Variants in UBE2W observed in about 807,000 individuals in gnomAD.
The protein encoded by UBE2W is ubiquitin-conjugating enzyme E2 W.
A neutral mutation model predicts 27.2 loss-of-function variants in UBE2W; 18 were observed. The ratio of observed to expected loss-of-function variants is 0.66; its 90% CI spans 0.46 to 0.98. UBE2W has a LOEUF of 0.98. Ranked by LOEUF, UBE2W falls within the 50% of genes least tolerant of loss-of-function variation. The probability of loss-of-function intolerance (pLI) is 0.00; values close to 1 mark genes in which losing one functional copy is unlikely to be tolerated. For synonymous variants in UBE2W, 53 were observed against 57.2 expected (o/e 0.93, Z 0.33); for missense variants, 90 against 180.2 (o/e 0.50, Z 2.87).
intron 1 of UBE2W, among the ~76,000 whole-genome samples, chr8:73,871,394 G>A (rs900619175): frequency 1.3e-5 from 2 of 152,128 alleles, no homozygotes; most frequent in African/African-American, 2.4e-5. Flanking sequence ...TTATCTATCT[G>A]CTAATCTGTT....
At chr8:73,878,192 G>GC (rs1286166595) in intron 1 of UBE2W, among the ~76,000 whole-genome samples, 1 of 152,210 alleles carries the variant, frequency 6.6e-6, no homozygotes. Context: ...AGGAATGTCC[G>GC]CGAGAATACC....
intron 1 of UBE2W, among the ~76,000 whole-genome samples, chr8:73,840,213 C>T (rs1316376387): frequency 6.6e-6 from 1 of 152,056 alleles, no homozygotes. Context: ...CCTGCCACTA[C>T]ACCTGGCTAA....
At chr8:73,810,700 A>G (rs1198185200) in intron 3 of UBE2W, 71 bp from the exon 4 acceptor site, 5 of 1,236,418 alleles carry the variant, frequency 4.0e-6, no homozygotes, top group Admixed American at 3.4e-5. Context: ...TTCTCCACAT[A>G]TAACAAATAT....
chr8:73,836,434 G>C (rs115522843), intron 1 of UBE2W, among the ~76,000 whole-genome samples: 14 of 152,178 alleles, frequency 9.2e-5, no homozygotes, highest in Admixed American at 9.2e-4. Context: ...TGTAGTATCT[G>C]TTCTGCAGAT....
At chr8:73,785,170 G>C (rs1279754333), downstream of UBE2W, among the ~76,000 whole-genome samples, 1 of 151,998 alleles carries the variant, frequency 6.6e-6, no homozygotes, top group Non-Finnish European at 1.5e-5. Context: ...TTTTTTAGAT[G>C]GAGTCTTGCT....
intron 1 of UBE2W, among the ~76,000 whole-genome samples, chr8:73,876,899 G>A (rs964285582): frequency 6.6e-6 from 1 of 152,128 alleles, no homozygotes; most frequent in East Asian, 1.9e-4. Context: ...CTCGGGAGGT[G>A]GAGGCTGCGG....
downstream of UBE2W, among the ~76,000 whole-genome samples, chr8:73,781,759 T>C (rs1289576430): frequency 2.6e-5 from 4 of 151,986 alleles, no homozygotes; most frequent in African/African-American, 9.7e-5. Flanking sequence ...TTTATATTTT[T>C]GCAGAGATGG....
At position 73,824,617 on chromosome 8, in the gene UBE2W, T is replaced by G. The variant is rs541227013; in HGVS notation, c.210+530A>C. Among the ~76,000 whole-genome samples, 3 of 152,122 alleles carry G rather than the reference T, an allele frequency of 2.0e-5. No homozygotes were observed. In the South Asian group the frequency reaches 6.2e-4, roughly 32 times the overall value. ...GAAGACAATTTTTCCATGGATGGGG[T>G]TGGGGATTGGATGATGGTTTTGGGA... On this transcript the variant is annotated intron_variant, in intron 3 of 5. Transcript: ENST00000602593.
At chr8:73,780,277 C>T (rs934151860) in exon 5 of UBE2W, 1 of 247,264 alleles carries the variant, frequency 4.0e-6, no homozygotes, top group Non-Finnish European at 8.3e-6. Flanking sequence ...TACATCACCC[C>T]ATGACTGCAT....
At chr8:73,833,977 C>G (rs1446174677) in intron 1 of UBE2W, 1 of 152,194 alleles carries the variant, frequency 6.6e-6, no homozygotes, top group Non-Finnish European at 1.5e-5. Flanking sequence ...TAGTGCATGA[C>G]AGCCCAGAAC....
intron 1 of UBE2W, among the ~76,000 whole-genome samples, chr8:73,857,276 G>A (rs1378902349): frequency 6.6e-6 from 1 of 152,052 alleles, no homozygotes; most frequent in Non-Finnish European, 1.5e-5. Context: ...AATTCTTACA[G>A]GAAGATTTTC....
intron 1 of UBE2W, among the ~76,000 whole-genome samples, chr8:73,871,306 G>GT (rs1275901096): frequency 1.3e-5 from 2 of 152,186 alleles, no homozygotes; most frequent in African/African-American, 4.8e-5. Context: ...ATGGAATGAA[G>GT]TTGCCTATAT....
intron 1 of UBE2W, among the ~76,000 whole-genome samples, chr8:73,854,600 A>G (rs1272292942): frequency 6.6e-6 from 1 of 152,224 alleles, no homozygotes; most frequent in African/African-American, 2.4e-5. Context: ...TAGTTTTCTA[A>G]TAAACTCATC....
intron 1 of UBE2W, among the ~76,000 whole-genome samples, chr8:73,878,412 C>T: frequency 6.6e-6 from 1 of 152,330 alleles, no homozygotes; most frequent in East Asian, 1.9e-4. Context: ...CGGCAACAAC[C>T]GCGGGCGCAG....
At chr8:73,878,293 C>T (rs1812322947) in intron 1 of UBE2W, among the ~76,000 whole-genome samples, 1 of 152,208 alleles carries the variant, frequency 6.6e-6, no homozygotes, top group Non-Finnish European at 1.5e-5. Context: ...CTGGGGGGCC[C>T]GGCGTGGGAG....
chr8:73,821,801 G>C (rs1479495756), intron 3 of UBE2W, among the ~76,000 whole-genome samples: 1 of 152,060 alleles, frequency 6.6e-6, no homozygotes, highest in African/African-American at 2.4e-5. Context: ...AGGAGCTCGA[G>C]ACTAGTCTGG....
intron 5 of UBE2W, among the ~76,000 whole-genome samples, chr8:73,797,826 G>C (rs796378942): frequency 6.6e-6 from 1 of 152,272 alleles, no homozygotes; most frequent in African/African-American, 2.4e-5. Context: ...TTAGGTCTCT[G>C]AAACCAATCT....
At chr8:73,837,118 TCAC>T (rs1319818335) in intron 1 of UBE2W, among the ~76,000 whole-genome samples, 1 of 152,162 alleles carries the variant, frequency 6.6e-6, no homozygotes, top group Non-Finnish European at 1.5e-5. Flanking sequence ...ATTTTATGTG[TCAC>T]TAGGAAAGAA....
downstream of UBE2W, among the ~76,000 whole-genome samples, chr8:73,782,215 G>A (rs923984159): frequency 6.6e-6 from 1 of 151,696 alleles, no homozygotes; most frequent in Admixed American, 6.6e-5. Flanking sequence ...CCAAAGTACT[G>A]GGATTACAGG....
Sources: allele counts gnomAD v4.1 joint callset (sites outside exome capture counted in the v4.1 genomes callset), GRCh38; gene constraint gnomAD v4.1.1; transcripts MANE v1.5; gene names NCBI Gene and HGNC (gene_info 2026-07-23, HGNC 2026-07-21).